Variants in KTN1 observed in about 807,000 individuals in gnomAD.
The protein encoded by KTN1 is kinectin 1.
Under a neutral mutation model 222.5 loss-of-function variants are expected in KTN1, and 130 were observed. The ratio of observed to expected loss-of-function variants is 0.58; its 90% CI spans 0.51 to 0.68. The LOEUF is 0.68. Among genes scored for constraint, KTN1 ranks in the 30% least tolerant of loss-of-function variants. KTN1 has a pLI of 0.00. For missense variants in KTN1, 1,508 were observed against 1,500.4 expected (o/e 1.01, Z -0.08); for synonymous variants, 512 against 496.3 (o/e 1.03, Z -0.42).
chr14:55,650,137 T>C (rs766164580), intron 22 of KTN1, among the ~76,000 whole-genome samples, 191 bp from the exon 23 acceptor site: 28 of 152,230 alleles, frequency 1.8e-4, no homozygotes, highest in Non-Finnish European at 3.5e-4. Flanking sequence ...ACTTCTTGTG[T>C]GCATAGGCTT....
Position 55,619,328 on chromosome 14 carries a change from G to T in KTN1, c.963+16G>T. On this transcript the variant is annotated intron_variant, in intron 5 of 43. Transcript: ENST00000395314. Reference sequence around the variant, plus strand: ...TTTAAAGAAGGTAAGCGTGTTTTTTGATTATGGGCATATTCATGACCAGTC... The same window carrying T: ...TTTAAAGAAGGTAAGCGTGTTTTTTTATTATGGGCATATTCATGACCAGTC... The T allele has an allele frequency of 1.2e-6, 2 of 1,611,784 alleles. No homozygotes were observed. The highest frequency in any genetic ancestry group is 1.1e-5 in the South Asian group (1 of 90,924).
chr14:55,581,473 G>A (rs76651493), intron 1 of KTN1, among the ~76,000 whole-genome samples: 1 of 152,102 alleles, frequency 6.6e-6, no homozygotes, highest in African/African-American at 2.4e-5. Flanking sequence ...GTGTGTGTGT[G>A]ATGACTTTGT....
intron 34 of KTN1, among the ~76,000 whole-genome samples, chr14:55,670,340 C>A (rs1362105446): frequency 6.6e-6 from 1 of 151,928 alleles, no homozygotes; most frequent in Non-Finnish European, 1.5e-5. Context: ...AACTGATTTA[C>A]CTGGAAACAG....
chr14:55,658,735 G>T, intron 30 of KTN1, 121 bp downstream of exon 30: 1 of 621,854 alleles, frequency 1.6e-6, no homozygotes, highest in Non-Finnish European at 2.8e-6. Context: ...TTTTATTTAT[G>T]TTTATCAAAT....
In KTN1 at chr14:55,675,917, A is replaced by T; in HGVS notation, c.3854A>T (p.Lys1285Met). The stretch of plus-strand genomic sequence containing the variant: ...CAGAAGGTAGCTGGTGATTTGCATA[A>T]GGTAGGCACTGTTCGTCCTAGAGAT... ...ERQKVAGDLH[K>M]AQQSLELIQS... The change falls in exon 41 of 44, where the codon AAG becomes ATG. Residue 1285 changes from lysine (K) to methionine (M), a missense_variant and splice_region_variant. Physicochemically the swap from Lys to Met is moderately conservative, Grantham distance 95 (BLOSUM62 -1). Transcript: ENST00000395314. The T allele has an allele frequency of 1.2e-6, 2 of 1,609,120 alleles. No individual in the cohort carries two copies. The highest frequency in any genetic ancestry group is 1.7e-6 in the Non-Finnish European group (2 of 1,175,734).
chr14:55,648,187 T>TCCC (rs2042587495), intron 20 of KTN1, 72 bp downstream of exon 20: 2 of 744,510 alleles, frequency 2.7e-6, no homozygotes, highest in Non-Finnish European at 4.4e-6. Context: ...GTAATTTGTG[T>TCCC]AAGGTTTTTC....
chr14:55,591,073 A>G (rs1221965513), intron 1 of KTN1, among the ~76,000 whole-genome samples: 3 of 152,068 alleles, frequency 2.0e-5, no homozygotes, highest in Non-Finnish European at 2.9e-5. Flanking sequence ...TTGGGTTTCT[A>G]GGTATTTTTG....
Position 55,639,899 on chromosome 14 carries a change from C to T in KTN1, c.1824-14C>T. 1.3e-5 allele frequency: 20 copies of T among 1,497,690 alleles called. No homozygotes were observed. Among genetic ancestry groups the T allele is most frequent in the Non-Finnish European group, 1.9e-5 (20 of 1,078,234 alleles). The allele number at this position is 1,497,690 out of a possible 1,614,324, so 92.8% of individuals were successfully genotyped here. On this transcript the variant is annotated splice_polypyrimidine_tract_variant and intron_variant, in intron 13 of 43. Transcript: ENST00000395314. ...GAATGTTTATTGAATGTACAAATGT[C>T]TTTCCTTCTAAAGGATTGCAGAAAA...
chr14:55,615,330 G>C (rs527619498), intron 2 of KTN1, among the ~76,000 whole-genome samples: 1 of 152,074 alleles, frequency 6.6e-6, no homozygotes, highest in East Asian at 1.9e-4. Flanking sequence ...AACTCTGTAC[G>C]CATTATACAC....
Position 55,646,436 on chromosome 14 carries a change from C to CTTTCCTTTCCTTTTCCT in KTN1, c.2173-529_2173-528insCCTTTTCCTTTTCCTTT, listed in dbSNP as rs1566787613. ...TTTTTTCCTTTCTTTCCTTCCTTTC[C>CTTTCCTTTCCTTTTCCT]TTTCCTTTTCCTTTTCCTTTTCCTT... On this transcript the variant is annotated intron_variant, in intron 18 of 43. Transcript: ENST00000395314. Among the ~76,000 whole-genome samples, 25 of 96,874 alleles carry CTTTCCTTTCCTTTTCCT rather than the reference C, an allele frequency of 2.6e-4. 2 individuals are homozygous for CTTTCCTTTCCTTTTCCT. Among genetic ancestry groups the CTTTCCTTTCCTTTTCCT allele is most frequent in the African/African-American group, 8.3e-4 (19 of 22,996 alleles). The allele number at this position is 96,874 out of a possible 152,430, so 63.6% of individuals were successfully genotyped here.
intron 3 of KTN1, among the ~76,000 whole-genome samples, chr14:55,616,910 T>C (rs1465476058): frequency 6.6e-6 from 1 of 152,212 alleles, no homozygotes; most frequent in Non-Finnish European, 1.5e-5. Context: ...TATTCTTAAC[T>C]CAGTTTTGAA....
In KTN1 at chr14:55,592,488, T is replaced by C. The variant is rs531125747; in HGVS notation, c.-31+12134T>C. ...GGTTTGAACTGCACGGGTCCACTTA[T>C]ACATGGAGCAGGATGGTGAAACCTG... On this transcript the variant is annotated intron_variant, in intron 1 of 43. Coordinates refer to ENST00000395314, the MANE Select transcript of KTN1 (RefSeq NM_001079521.2). Among the ~76,000 whole-genome samples, 54 of 152,320 alleles carry C rather than the reference T, an allele frequency of 3.5e-4. No homozygotes were observed. In the South Asian group the frequency reaches 9.3e-3, roughly 26 times the overall value.
At chr14:55,582,328 G>C (rs2031874014) in intron 1 of KTN1, among the ~76,000 whole-genome samples, 1 of 151,992 alleles carries the variant, frequency 6.6e-6, no homozygotes, top group Admixed American at 6.6e-5. Context: ...TAGTTTATAG[G>C]CTTTAATCTG....
At chr14:55,639,360 T>A (rs2041515090) in intron 13 of KTN1, 138 bp downstream of exon 13, 2 of 481,956 alleles carry the variant, frequency 4.1e-6, no homozygotes, top group Admixed American at 3.7e-5. Context: ...GAGCAACTTT[T>A]GCTTTTTTTT....
Position 55,667,253 on chromosome 14 carries a change from C to G in KTN1, c.3190C>G (p.Gln1064Glu). The change falls in exon 34 of 44, where the codon CAG becomes GAG. Residue 1064 changes from glutamine (Q) to glutamate (E), a missense_variant. Gln to Glu is a conservative substitution (Grantham distance 29). Transcript: ENST00000395314. ...VNKTSKERQQ[Q>E]VEAVELEAKE... ...TCTTCTGCTTTAGGAAAGGCAGCAA[C>G]AGGTGGAAGCTGTTGAGTTGGAGGC... The G allele has an allele frequency of 6.3e-7, 1 of 1,598,438 alleles. No homozygotes were observed. Among genetic ancestry groups the G allele is most frequent in the Non-Finnish European group, 8.5e-7 (1 of 1,172,190 alleles).
chr14:55,652,485 A>G (rs922371111), intron 25 of KTN1, among the ~76,000 whole-genome samples: 1 of 129,968 alleles, frequency 7.7e-6, no homozygotes, highest in African/African-American at 3.0e-5. Context: ...TGCAACCTCC[A>G]CCTCCCGGGT....
At chr14:55,651,421 T>C (rs1380618024) in intron 24 of KTN1, 2 of 454,874 alleles carry the variant, frequency 4.4e-6, no homozygotes, top group Non-Finnish European at 8.8e-6. Flanking sequence ...AAAAAGGACA[T>C]CATAGAGTAC....
intron 5 of KTN1, among the ~76,000 whole-genome samples, chr14:55,626,687 T>TC (rs1594930325): frequency 6.6e-6 from 1 of 152,128 alleles, no homozygotes; most frequent in East Asian, 1.9e-4. Flanking sequence ...TGTTGAAGGG[T>TC]CAGGGATGGC....
chr14:55,645,691 T>G (rs183049964), intron 18 of KTN1, among the ~76,000 whole-genome samples: 97 of 152,326 alleles, frequency 6.4e-4, no homozygotes, highest in African/African-American at 2.2e-3. Context: ...TTTGGATTAT[T>G]TTTTCCCATT....
Sources: gnomAD v4.1 joint callset for allele counts (sites outside exome capture counted in the v4.1 genomes callset) on GRCh38, gnomAD v4.1.1 for gene constraint, MANE v1.5 for transcripts, NCBI Gene and HGNC (gene_info 2026-07-23, HGNC 2026-07-21) for gene names.